Variants in SMARCC1 observed in about 807,000 individuals in gnomAD.
The protein encoded by SMARCC1 is SWI/SNF complex subunit SMARCC1.
SMARCC1 carries 43 observed loss-of-function variants against 147.4 expected under a neutral mutation model. The observed-to-expected ratio is 0.29, with a 90% CI of 0.23 to 0.38. SMARCC1 has a LOEUF of 0.38. Among genes scored for constraint, SMARCC1 ranks in the 10% least tolerant of loss-of-function variants. The pLI is 1.00. For synonymous variants in SMARCC1, 495 were observed against 484.4 expected, an observed-to-expected ratio of 1.02 and a Z score of -0.29; for missense variants, 1,119 against 1,381.1, an observed-to-expected ratio of 0.81 and a Z score of 3.01.
chr3:47,679,659 C>T (rs531960169), intron 15 of SMARCC1, among the ~76,000 whole-genome samples: 13 of 152,066 alleles, frequency 8.5e-5, no homozygotes, highest in Admixed American at 5.9e-4. Context: ...GTCAGGAGTT[C>T]GAGACAAGCC....
chr3:47,730,823 G>A (rs1355922594), intron 5 of SMARCC1, among the ~76,000 whole-genome samples: 8 of 150,382 alleles, frequency 5.3e-5, no homozygotes, highest in African/African-American at 1.7e-4. Context: ...CCGAGATTGC[G>A]CCATTGCACT....
intron 19 of SMARCC1, among the ~76,000 whole-genome samples, chr3:47,667,714 T>C (rs2033439967): frequency 6.6e-6 from 1 of 152,000 alleles, no homozygotes. Context: ...CCGTGTCTTC[T>C]GAAAATACAA....
At chr3:47,599,778 G>A (rs1428178506) in intron 26 of SMARCC1, among the ~76,000 whole-genome samples, 1 of 152,178 alleles carries the variant, frequency 6.6e-6, no homozygotes, top group Non-Finnish European at 1.5e-5. Flanking sequence ...ATTACTTTCT[G>A]AACCCGCAAT....
At chr3:47,723,098 C>T (rs2034252077) in intron 6 of SMARCC1, among the ~76,000 whole-genome samples, 1 of 152,100 alleles carries the variant, frequency 6.6e-6, no homozygotes, top group Non-Finnish European at 1.5e-5. Flanking sequence ...CAGCTATATA[C>T]TCAGATTGGT....
intron 25 of SMARCC1, among the ~76,000 whole-genome samples, chr3:47,615,205 T>C (rs2032621379): frequency 6.6e-6 from 1 of 152,240 alleles, no homozygotes; most frequent in East Asian, 1.9e-4. Context: ...TTATTACTTA[T>C]AAAACTTCCT....
At chr3:47,676,100 C>G (rs1267398439) in intron 17 of SMARCC1, among the ~76,000 whole-genome samples, 1 of 152,046 alleles carries the variant, frequency 6.6e-6, no homozygotes, top group African/African-American at 2.4e-5. Flanking sequence ...GAAAGGATAA[C>G]AAATTTTCAT....
intron 1 of SMARCC1, among the ~76,000 whole-genome samples, chr3:47,779,841 T>G (rs2035019205): frequency 6.6e-6 from 1 of 152,202 alleles, no homozygotes; most frequent in Non-Finnish European, 1.5e-5. Context: ...TTCACTGAAT[T>G]TAAGACCCAA....
rs559762880 is a variant in SMARCC1 at position 47,680,423 on chromosome 3, A to C, written c.1457+14T>G. On this transcript the variant is annotated intron_variant, in intron 15 of 27. Transcript: ENST00000254480. Reference sequence around the variant, plus strand: ...ACAGGCAAATAAACAAGTTTTCTAAAACACTGGCCTCACATTTCTGGAGTC... The same window carrying C: ...ACAGGCAAATAAACAAGTTTTCTAACACACTGGCCTCACATTTCTGGAGTC... 6.3e-7 allele frequency: 1 copy of C among 1,596,520 alleles called. No homozygotes were observed. Among genetic ancestry groups the C allele is most frequent in the African/African-American group, 1.3e-5 (1 of 74,488 alleles).
At chr3:47,609,197 G>A (rs1466173223) in intron 26 of SMARCC1, among the ~76,000 whole-genome samples, 2 of 152,088 alleles carry the variant, frequency 1.3e-5, no homozygotes, top group Non-Finnish European at 2.9e-5. Flanking sequence ...TGATAGTTAT[G>A]TAAAGAATAA....
chr3:47,675,064 C>T (rs1157547643), intron 18 of SMARCC1, among the ~76,000 whole-genome samples: 2 of 152,030 alleles, frequency 1.3e-5, no homozygotes, highest in East Asian at 1.9e-4. Context: ...CTGTTCCACT[C>T]TCCTCTCTTT....
chr3:47,722,026 A>G (rs888426009), intron 6 of SMARCC1, among the ~76,000 whole-genome samples: 9 of 152,036 alleles, frequency 5.9e-5, no homozygotes, highest in African/African-American at 2.2e-4. Flanking sequence ...TCTCAAAACA[A>G]AAGGTGAAAA....
intron 6 of SMARCC1, among the ~76,000 whole-genome samples, chr3:47,725,167 CA>C (rs2034283898): frequency 6.7e-6 from 1 of 149,470 alleles, no homozygotes; most frequent in South Asian, 2.1e-4. Context: ...AATACAATAT[CA>C]AACAGATTCA....
chr3:47,689,524 A>C (rs559178109), intron 12 of SMARCC1, 100 bp from the exon 13 acceptor site: 1 of 1,000,306 alleles, frequency 1.0e-6, no homozygotes, highest in East Asian at 2.4e-5. Context: ...GACAGAGAAA[A>C]GGAATGAAAT....
intron 11 of SMARCC1, among the ~76,000 whole-genome samples, chr3:47,698,532 C>T (rs559075065): frequency 5.3e-5 from 8 of 151,760 alleles, no homozygotes; most frequent in South Asian, 2.1e-4. Context: ...ATAGAATACA[C>T]GGCCAAAAAT....
At chr3:47,638,848 G>A in intron 21 of SMARCC1, 68 bp from the exon 22 acceptor site, 2 of 1,049,416 alleles carry the variant, frequency 1.9e-6, no homozygotes, top group Non-Finnish European at 3.0e-6. Flanking sequence ...TTATACAGCT[G>A]TGAGAGTGTC....
At chr3:47,633,379 C>G (rs1020862054) in intron 24 of SMARCC1, among the ~76,000 whole-genome samples, 1 of 151,992 alleles carries the variant, frequency 6.6e-6, no homozygotes, top group Non-Finnish European at 1.5e-5. Flanking sequence ...CAAAAATGAG[C>G]CGAGGTTGCA....
chr3:47,689,775 G>A (rs1288846751), intron 12 of SMARCC1, among the ~76,000 whole-genome samples: 4 of 152,152 alleles, frequency 2.6e-5, no homozygotes, highest in Admixed American at 2.6e-4. Flanking sequence ...GGTTTCAGAA[G>A]AAGTGAGTAA....
intron 21 of SMARCC1, among the ~76,000 whole-genome samples, chr3:47,653,403 A>G (rs1056191737): frequency 6.6e-6 from 1 of 152,240 alleles, no homozygotes; most frequent in East Asian, 1.9e-4. Flanking sequence ...TGATTTTACC[A>G]TAGTTAATAC....
At chr3:47,765,735 A>T (rs910935833) in intron 2 of SMARCC1, among the ~76,000 whole-genome samples, 1 of 144,990 alleles carries the variant, frequency 6.9e-6, no homozygotes, top group Non-Finnish European at 1.5e-5. Context: ...TTGCAAATTA[A>T]TTTTTTTTTT....
Sources: gnomAD v4.1 joint callset for allele counts (sites outside exome capture counted in the v4.1 genomes callset) on GRCh38, gnomAD v4.1.1 for gene constraint, MANE v1.5 for transcripts, NCBI Gene and HGNC (gene_info 2026-07-23, HGNC 2026-07-21) for gene names.